Variants in DIAPH3 observed in about 807,000 individuals in gnomAD.
The protein encoded by DIAPH3 is diaphanous related formin 3, also known as protein diaphanous homolog 3.
A neutral mutation model predicts 144.3 loss-of-function variants in DIAPH3; 117 were observed. The ratio of observed to expected loss-of-function variants is 0.81; its 90% CI spans 0.70 to 0.95. The LOEUF (loss-of-function observed/expected upper bound fraction) is 0.95. DIAPH3 is among the 40% of genes least tolerant of loss of function. DIAPH3 has a pLI of 0.00. For synonymous variants in DIAPH3, 519 were observed against 488.9 expected, an observed-to-expected ratio of 1.06 and a Z score of -0.81; for missense variants, 1,421 against 1,412.7, an observed-to-expected ratio of 1.01 and a Z score of -0.09.
In DIAPH3 at chr13:59,735,112, A is replaced by T. The variant is rs556498673; in HGVS notation, c.3319+39077T>A. On this transcript the variant is annotated intron_variant, in intron 27 of 27. Transcript: ENST00000400324. Reference sequence around the variant, plus strand: ...ATAATAAGACTTCTTGAAAAACAGAATTTTTTTTTACTATTAAGCAATGTC... The same window carrying T: ...ATAATAAGACTTCTTGAAAAACAGATTTTTTTTTTACTATTAAGCAATGTC... Among the ~76,000 whole-genome samples the T allele has an allele frequency of 5.9e-5, 9 of 151,862 alleles. No homozygotes were observed. In the South Asian group the frequency reaches 8.3e-4, roughly 14 times the overall value.
At position 60,110,891 on chromosome 13, in the gene DIAPH3, G is replaced by A. The variant is rs1015142324; in HGVS notation, c.390+1119C>T. 9.2e-5 allele frequency among the ~76,000 whole-genome samples: 14 copies of A among 152,110 alleles called. 1 individual carries two copies. Among genetic ancestry groups the A allele is most frequent in the Non-Finnish European group, 1.9e-4 (13 of 68,014 alleles). ...ATAGTATTAGCCCCCTCCCAGCTAC[G>A]AGTAACAGAAAACTAACATAAACTA... On this transcript the variant is annotated intron_variant, in intron 3 of 27. Transcript: ENST00000400324.
intron 27 of DIAPH3, among the ~76,000 whole-genome samples, chr13:59,718,872 A>G (rs2035195970): frequency 6.6e-6 from 1 of 152,128 alleles, no homozygotes; most frequent in African/African-American, 2.4e-5. Context: ...GAGATGTACT[A>G]GATACTTCAA....
At chr13:59,844,648 A>G (rs2042535705) in intron 22 of DIAPH3, among the ~76,000 whole-genome samples, 1 of 152,230 alleles carries the variant, frequency 6.6e-6, no homozygotes, top group Admixed American at 6.5e-5. Context: ...TCTCACCAAG[A>G]AATTAATCAT....
intron 4 of DIAPH3, among the ~76,000 whole-genome samples, chr13:60,089,221 G>A (rs2057850499): frequency 6.6e-6 from 1 of 152,074 alleles, no homozygotes; most frequent in African/African-American, 2.4e-5. Context: ...AGAGGAAAAA[G>A]AAAACTAAGT....
chr13:59,868,706 C>A (rs2044075963), intron 21 of DIAPH3, among the ~76,000 whole-genome samples: 1 of 152,122 alleles, frequency 6.6e-6, no homozygotes, highest in African/African-American at 2.4e-5. Context: ...TTCTGTGTCT[C>A]ACCTATTCAT....
intron 2 of DIAPH3, among the ~76,000 whole-genome samples, chr13:60,119,927 G>A (rs1260565369): frequency 6.6e-6 from 1 of 152,088 alleles, no homozygotes; most frequent in East Asian, 1.9e-4. Context: ...AGGTATGAAT[G>A]AATGAGCAAT....
intron 27 of DIAPH3, among the ~76,000 whole-genome samples, chr13:59,673,111 T>C (rs2032465044): frequency 6.6e-6 from 1 of 152,220 alleles, no homozygotes; most frequent in Non-Finnish European, 1.5e-5. Context: ...TGACGCAGGC[T>C]CTGTGCACAC....
chr13:60,051,303 G>A (rs926947272), intron 4 of DIAPH3, among the ~76,000 whole-genome samples: 1 of 152,142 alleles, frequency 6.6e-6, no homozygotes, highest in South Asian at 2.1e-4. Context: ...TGATGACGCA[G>A]GGAGGTAGGT....
intron 27 of DIAPH3, among the ~76,000 whole-genome samples, chr13:59,761,056 T>C (rs1212345529): frequency 6.6e-6 from 1 of 152,218 alleles, no homozygotes; most frequent in African/African-American, 2.4e-5. Flanking sequence ...TAATTTCTAA[T>C]TTACTTGGGA....
At chr13:59,885,625 A>C (rs2045393481) in intron 20 of DIAPH3, among the ~76,000 whole-genome samples, 1 of 151,994 alleles carries the variant, frequency 6.6e-6, no homozygotes. Flanking sequence ...TAGTGAGTTG[A>C]ATTGAACAGA....
At chr13:59,847,786 A>AGCC (rs1377673767) in intron 22 of DIAPH3, among the ~76,000 whole-genome samples, 1 of 152,208 alleles carries the variant, frequency 6.6e-6, no homozygotes, top group Non-Finnish European at 1.5e-5. Flanking sequence ...AGACCAGGTC[A>AGCC]GCCTCACAAT....
chr13:59,930,315 T>C (rs1324059728), intron 17 of DIAPH3, among the ~76,000 whole-genome samples: 1 of 152,172 alleles, frequency 6.6e-6, no homozygotes, highest in Non-Finnish European at 1.5e-5. Context: ...TAGAAGTGAC[T>C]ATAAAATAAA....
intron 24 of DIAPH3, among the ~76,000 whole-genome samples, chr13:59,821,784 G>A (rs540893790): frequency 6.6e-6 from 1 of 152,216 alleles, no homozygotes; most frequent in African/African-American, 2.4e-5. Flanking sequence ...ATGAAAATAG[G>A]AGAACATGAT....
chr13:59,750,182 G>A (rs2036934050), intron 27 of DIAPH3, among the ~76,000 whole-genome samples: 1 of 152,076 alleles, frequency 6.6e-6, no homozygotes, highest in African/African-American at 2.4e-5. Context: ...ATTTCAGCCA[G>A]GATGCACTAT....
At chr13:59,913,382 A>G (rs761696280) in intron 19 of DIAPH3, among the ~76,000 whole-genome samples, 1 of 152,170 alleles carries the variant, frequency 6.6e-6, no homozygotes, top group Non-Finnish European at 1.5e-5. Context: ...ACAGGCACGC[A>G]TGCCCAGCTT....
chr13:60,007,342 C>T (rs569104038), intron 9 of DIAPH3, among the ~76,000 whole-genome samples: 7 of 152,202 alleles, frequency 4.6e-5, no homozygotes, highest in South Asian at 2.1e-4. Context: ...TGAGCCACCG[C>T]GCCCAGCCTA....
chr13:60,058,516 C>T (rs900518200), intron 4 of DIAPH3, among the ~76,000 whole-genome samples: 1 of 151,782 alleles, frequency 6.6e-6, no homozygotes, highest in Non-Finnish European at 1.5e-5. Flanking sequence ...ATGTACCATT[C>T]GATCCAGCAG....
chr13:59,679,486 C>T (rs1419855301), intron 27 of DIAPH3, among the ~76,000 whole-genome samples: 1 of 152,156 alleles, frequency 6.6e-6, no homozygotes, highest in African/African-American at 2.4e-5. Context: ...GGAGCACCTC[C>T]TGTCTCTATG....
chr13:60,086,283 T>C (rs1036199323), intron 4 of DIAPH3, among the ~76,000 whole-genome samples: 9 of 152,238 alleles, frequency 5.9e-5, no homozygotes, highest in African/African-American at 2.2e-4. Context: ...AAATAACTCA[T>C]AAGGAATCTG....
Sources: allele counts gnomAD v4.1 joint callset (sites outside exome capture counted in the v4.1 genomes callset), GRCh38; gene constraint gnomAD v4.1.1; transcripts MANE v1.5; gene names NCBI Gene and HGNC (gene_info 2026-07-23, HGNC 2026-07-21).